IL31RA: variants seen among roughly 807,000 people sequenced by gnomAD.
The protein encoded by IL31RA is interleukin-31 receptor subunit alpha.
IL31RA carries 66 observed loss-of-function variants against 83.7 expected under a neutral mutation model. That is an observed-to-expected ratio of 0.79 (90% CI 0.65 to 0.97). The LOEUF (loss-of-function observed/expected upper bound fraction) is 0.97. IL31RA is among the 50% of genes least tolerant of loss of function. IL31RA has a pLI of 0.00. For missense variants in IL31RA, 798 were observed against 919.4 expected (o/e 0.87, Z 1.71); for synonymous variants, 325 against 329.0 (o/e 0.99, Z 0.13).
intron 10 of IL31RA, 93 bp downstream of exon 10, chr5:55,907,553 C>A: frequency 1.2e-6 from 1 of 828,852 alleles, no homozygotes; most frequent in Non-Finnish European, 2.1e-6. Flanking sequence ...TCATTCCCAG[C>A]CATCTTAGGG....
intron 2 of IL31RA, among the ~76,000 whole-genome samples, chr5:55,864,372 C>G (rs1254740645): frequency 6.7e-6 from 1 of 150,282 alleles, no homozygotes; most frequent in Non-Finnish European, 1.5e-5. Context: ...ACACTACACA[C>G]ACACCACACA....
At chr5:55,902,363 C>A (rs73118490) in intron 8 of IL31RA, 3 of 151,318 alleles carry the variant, frequency 2.0e-5, no homozygotes, top group African/African-American at 7.3e-5. Flanking sequence ...CGATGGCTCA[C>A]GCCTGTAATC....
chr5:55,872,864 A>G (rs900481007), intron 4 of IL31RA, among the ~76,000 whole-genome samples: 5 of 152,034 alleles, frequency 3.3e-5, no homozygotes, highest in African/African-American at 4.8e-5. Flanking sequence ...AATCTTTTTC[A>G]AAGACTAATT....
intron 1 of IL31RA, among the ~76,000 whole-genome samples, chr5:55,853,976 A>G (rs1425256604): frequency 6.6e-6 from 1 of 152,220 alleles, no homozygotes; most frequent in Non-Finnish European, 1.5e-5. Context: ...GGAATAAGAC[A>G]GTCGTGAGTT....
At chr5:55,853,403 G>T (rs1745169005) in intron 1 of IL31RA, 2 of 1,408,258 alleles carry the variant, frequency 1.4e-6, no homozygotes, top group East Asian at 5.2e-5. Context: ...CACAAGAAAA[G>T]CTCGCAGACA....
At chr5:55,873,839 T>G (rs1025882859) in intron 4 of IL31RA, among the ~76,000 whole-genome samples, 5 of 152,148 alleles carry the variant, frequency 3.3e-5, no homozygotes, top group African/African-American at 1.2e-4. Flanking sequence ...CCTCCCTGTT[T>G]GTGGGTTTTC....
chr5:55,843,932 T>C, the IL31RA span, among the ~76,000 whole-genome samples: 1 of 152,234 alleles, frequency 6.6e-6, no homozygotes, highest in Non-Finnish European at 1.5e-5. Context: ...TGCAGCTTTC[T>C]TTATTGAAGT....
rs772466116 is a variant in IL31RA at position 55,919,629 on chromosome 5, C to T, written c.*2509C>T. ...TCATTCCTTTCTCCCCTTCCATCAG[C>T]CTCCTTTGATCATTTTCCATGGTTT... On this transcript the variant is annotated 3_prime_UTR_variant, in exon 15 of 15. Transcript: ENST00000652347. Among the ~76,000 whole-genome samples, 3 of 152,168 alleles carry T rather than the reference C, an allele frequency of 2.0e-5. No individual in the cohort carries two copies. The highest frequency in any genetic ancestry group is 4.4e-5 in the Non-Finnish European group (3 of 68,044).
intron 1 of IL31RA, chr5:55,853,308 G>A: frequency 8.2e-7 from 1 of 1,216,488 alleles, no homozygotes; most frequent in Non-Finnish European, 1.0e-6. Context: ...TTTTGTTTTT[G>A]CTTTTGTTTT....
At chr5:55,853,293 A>G in intron 1 of IL31RA, 2 of 1,204,802 alleles carry the variant, frequency 1.7e-6, no homozygotes, top group Non-Finnish European at 2.1e-6. Context: ...TGTAGAGTTG[A>G]GTGTTTTTGT....
rs1158916379 is a variant in IL31RA at position 55,898,599 on chromosome 5, G to GTTTT, written c.853-1315_853-1314insTTTT. Among the ~76,000 whole-genome samples the GTTTT allele has an allele frequency of 2.4e-4, 35 of 146,476 alleles. 1 individual carries two copies. The South Asian group carries it at 3.2e-3, about 13-fold the overall frequency. On this transcript the variant is annotated intron_variant, in intron 7 of 14. Transcript: ENST00000652347. The stretch of plus-strand genomic sequence containing the variant: ...AAGATTTTAAATAACATATTAATAT[G>GTTTT]TTATTTTAAAAAGATTTTAAATAAC...
At chr5:55,872,871 A>G (rs1312111076) in intron 4 of IL31RA, among the ~76,000 whole-genome samples, 1 of 152,120 alleles carries the variant, frequency 6.6e-6, no homozygotes, top group Non-Finnish European at 1.5e-5. Flanking sequence ...TTCAAAGACT[A>G]ATTTTCACCA....
At chr5:55,872,481 C>A in intron 4 of IL31RA, 30 bp downstream of exon 4, 1 of 1,428,864 alleles carries the variant, frequency 7.0e-7, no homozygotes, top group Non-Finnish European at 9.7e-7. Context: ...CTTATATACT[C>A]TTTATTAAAT....
the IL31RA span, among the ~76,000 whole-genome samples, chr5:55,845,748 A>G: frequency 6.6e-6 from 1 of 151,940 alleles, no homozygotes; most frequent in South Asian, 2.1e-4. Flanking sequence ...TATAAAGGAA[A>G]CCTCTTTCCA....
chr5:55,860,994 T>G (rs529691384), intron 2 of IL31RA, among the ~76,000 whole-genome samples: 11 of 152,296 alleles, frequency 7.2e-5, no homozygotes, highest in African/African-American at 2.6e-4. Context: ...CTCCTCCTCC[T>G]AAGGATGCCA....
At chr5:55,868,939 A>G in intron 3 of IL31RA, 31 bp downstream of exon 3, 1 of 1,168,612 alleles carries the variant, frequency 8.6e-7, no homozygotes, top group Non-Finnish European at 1.3e-6. Context: ...TTTATCAGTC[A>G]GGGCATGGGG....
rs112148274 is a variant in IL31RA at position 55,896,416 on chromosome 5, G to A, written c.839G>A (p.Arg280Gln). 60 of 1,612,174 alleles carry A rather than the reference G, an allele frequency of 3.7e-5. No individual in the cohort carries two copies. The African/African-American group carries it at 4.5e-4, about 12-fold the overall frequency. Residue 280 changes from arginine (R) to glutamine (Q), a missense_variant, in exon 7 of 15, where the codon CGG becomes CAG. Arg to Gln is a conservative substitution (Grantham distance 43). Transcript: ENST00000652347. ...GAGGCGGATGGAAGAAGGCCAGTGC[G>A]GTTGTTATGGAAGGTGACCTCCCTC... is the stretch of plus-strand genomic sequence containing the variant. ...PAEADGRRPV[R>Q]LLWKKARGAP...
At chr5:55,879,597 T>TATTTTTGTATTTTTA (rs1747078773) in intron 4 of IL31RA, among the ~76,000 whole-genome samples, 1 of 151,412 alleles carries the variant, frequency 6.6e-6, no homozygotes, top group East Asian at 1.9e-4. Flanking sequence ...CATACCCAGC[T>TATTTTTGTATTTTTA]ATTTTTGTAT....
intron 6 of IL31RA, among the ~76,000 whole-genome samples, chr5:55,891,167 G>A (rs548902696): frequency 6.6e-6 from 1 of 152,136 alleles, no homozygotes; most frequent in Non-Finnish European, 1.5e-5. Flanking sequence ...AAAATATGTA[G>A]AGTCACTCCC....
Sources: allele counts gnomAD v4.1 joint callset (sites outside exome capture counted in the v4.1 genomes callset), GRCh38; gene constraint gnomAD v4.1.1; transcripts MANE v1.5; gene names NCBI Gene and HGNC (gene_info 2026-07-23, HGNC 2026-07-21).